Variants in CIT observed in about 807,000 individuals in gnomAD.
CIT encodes the protein citron Rho-interacting kinase.
A neutral mutation model predicts 272.7 loss-of-function variants in CIT; 79 were observed. That is an observed-to-expected ratio of 0.29 (90% confidence interval 0.24 to 0.35). The LOEUF (loss-of-function observed/expected upper bound fraction) is 0.35. Ranked by LOEUF, CIT falls within the 10% of genes least tolerant of loss-of-function variation. The pLI, the probability that CIT is intolerant of heterozygous loss-of-function variation, is 1.00. For missense variants in CIT, 1,909 were observed against 2,618.3 expected (o/e 0.73, Z 5.91); for synonymous variants, 948 against 995.6 (o/e 0.95, Z 0.90).
intron 10 of CIT, among the ~76,000 whole-genome samples, chr12:119,794,981 G>A (rs115017419): frequency 0.031 from 4,650 of 152,336 alleles, 135 homozygotes; most frequent in East Asian, 0.13. Flanking sequence ...CAAGCAAGGG[G>A]TGAAACCCTG....
chr12:119,697,743 T>C lies in CIT; in HGVS notation c.5798A>G (p.Asp1933Gly). ...GAIYLASSYQ[D>G]KLRVICCKGN... ...CTTGCAGCAAATGACCCTTAATTTA[T>C]CCTGGTATGAGGACGCCAAGTAAAT... Residue 1933 changes from aspartate to glycine, a missense_variant, in exon 46 of 48, where the codon GAT becomes GGT. Asp to Gly is a moderately conservative substitution (Grantham distance 94). Coordinates refer to ENST00000392521, the MANE Select transcript of CIT (RefSeq NM_001206999.2). This position sits in a 1 kb window ranked among gnomAD's most constrained non-coding sequence, Gnocchi z 4.9. 6.2e-7 allele frequency: 1 copy of C among 1,614,132 alleles called. No individual in the cohort carries two copies. The highest frequency in any genetic ancestry group is 8.5e-7 in the Non-Finnish European group (1 of 1,180,042).
intron 40 of CIT, among the ~76,000 whole-genome samples, chr12:119,705,483 C>G (rs1428598220): frequency 6.6e-6 from 1 of 152,078 alleles, no homozygotes; most frequent in Non-Finnish European, 1.5e-5. Flanking sequence ...TAGCAATGTT[C>G]TATTTCTTGG....
intron 3 of CIT, among the ~76,000 whole-genome samples, chr12:119,861,426 A>G (rs1593987117): frequency 6.6e-6 from 1 of 152,214 alleles, no homozygotes; most frequent in Middle Eastern, 3.4e-3. Context: ...TCTCTACTAA[A>G]AATACAAAAA....
intron 5 of CIT, among the ~76,000 whole-genome samples, chr12:119,841,618 G>A (rs569170636): frequency 2.0e-5 from 3 of 152,304 alleles, no homozygotes; most frequent in East Asian, 1.9e-4. Context: ...GCAGCTAGAC[G>A]TGCAGTCACA....
chr12:119,793,323 C>T (rs1437468634), intron 10 of CIT, among the ~76,000 whole-genome samples: 1 of 152,186 alleles, frequency 6.6e-6, no homozygotes, highest in East Asian at 1.9e-4. Context: ...TCAGTTCCCA[C>T]CTCTAAGCCA....
chr12:119,717,287 G>C (rs1373215756), intron 32 of CIT, among the ~76,000 whole-genome samples: 3 of 152,092 alleles, frequency 2.0e-5, no homozygotes, highest in Middle Eastern at 6.8e-3. Context: ...CCCAACCTCA[G>C]GTGATCCGCC....
At position 119,713,183 on chromosome 12, in the gene CIT, C is replaced by T. The variant is rs781396730; in HGVS notation, c.4579+20G>A. ...GGGTTAGCCACGTGCAATGACCTTCCCCCTGAATTATTAATTTACCTTCTC... is the reference window on the plus strand; with the variant it reads ...GGGTTAGCCACGTGCAATGACCTTCTCCCTGAATTATTAATTTACCTTCTC... On this transcript the variant is annotated intron_variant, in intron 35 of 47. Coordinates refer to ENST00000392521, the MANE Select transcript of CIT (RefSeq NM_001206999.2). This position sits in a 1 kb window ranked among gnomAD's most constrained non-coding sequence, Gnocchi z 5.2. The T allele has an allele frequency of 1.9e-6, 3 of 1,598,398 alleles. No individual in the cohort carries two copies. The highest frequency in any genetic ancestry group is 2.2e-5 in the East Asian group (1 of 44,798).
intron 32 of CIT, among the ~76,000 whole-genome samples, chr12:119,717,023 G>A (rs542692313): frequency 6.6e-6 from 1 of 152,254 alleles, no homozygotes; most frequent in African/African-American, 2.4e-5. Flanking sequence ...ATTTATAAGA[G>A]AAAAAAGGCC....
chr12:119,799,280 C>T (rs1354098226), intron 10 of CIT, among the ~76,000 whole-genome samples: 1 of 152,112 alleles, frequency 6.6e-6, no homozygotes, highest in African/African-American at 2.4e-5. Context: ...GAACATTTAC[C>T]AAGGCTTTTC....
intron 3 of CIT, among the ~76,000 whole-genome samples, chr12:119,859,555 G>A (rs1234343396): frequency 1.3e-5 from 2 of 151,874 alleles, no homozygotes; most frequent in Non-Finnish European, 2.9e-5. Context: ...AGTAGCTCAC[G>A]CCTGTAATCC....
chr12:119,850,740 G>T (rs1010203464), intron 4 of CIT, among the ~76,000 whole-genome samples: 1 of 152,036 alleles, frequency 6.6e-6, no homozygotes, highest in Non-Finnish European at 1.5e-5. Context: ...AAGCATCCAC[G>T]CTAGTTATGA....
chr12:119,862,697 C>A lies in CIT; in HGVS notation c.239-4999G>T, dbSNP rs557260726. 5.3e-5 allele frequency among the ~76,000 whole-genome samples: 8 copies of A among 150,144 alleles called. No individual in the cohort carries two copies. The South Asian group carries it at 1.7e-3, about 32-fold the overall frequency. ...TGGTGGCAGGCACCTATAATCCCAG[C>A]TACTCAGGAGGCTGAGGCAGGAGAA... On this transcript the variant is annotated intron_variant, in intron 3 of 47. Coordinates refer to ENST00000392521, the MANE Select transcript of CIT (RefSeq NM_001206999.2).
chr12:119,723,831 A>G (rs933202366), intron 28 of CIT, among the ~76,000 whole-genome samples: 2 of 152,226 alleles, frequency 1.3e-5, no homozygotes, highest in African/African-American at 4.8e-5. Context: ...CTACCCAAAG[A>G]GCACAGGTAA....
intron 24 of CIT, 80 bp downstream of exon 24, chr12:119,742,331 T>C (rs1959098283): frequency 2.0e-6 from 2 of 995,508 alleles, no homozygotes; most frequent in Non-Finnish European, 1.5e-6. Context: ...CAGTCACCAA[T>C]ATTTTAAAGA....
chr12:119,698,014 T>C lies in CIT; in HGVS notation c.5664A>G (p.Ser1888=), dbSNP rs1956326379. Residue 1888 remains serine, a synonymous_variant, in exon 45 of 48, where the codon TCA becomes TCG. Transcript: ENST00000392521. The part of the protein sequence containing the change: ...EPYLFVTHFN[S]LEVIEIQARS... ...GTGCCTGGATCTCAATTACTTCGAGTGAGTTGAAGTGGGTCACAAACAGAT... is the reference window on the plus strand; with the variant it reads ...GTGCCTGGATCTCAATTACTTCGAGCGAGTTGAAGTGGGTCACAAACAGAT... The C allele has an allele frequency of 1.9e-6, 3 of 1,613,928 alleles. No homozygotes were observed. Among genetic ancestry groups the C allele is most frequent in the South Asian group, 2.2e-5 (2 of 91,076 alleles).
intron 9 of CIT, among the ~76,000 whole-genome samples, chr12:119,811,579 G>C (rs1966847924): frequency 6.6e-6 from 1 of 152,198 alleles, no homozygotes; most frequent in Non-Finnish European, 1.5e-5. Context: ...CTCTCTGGTG[G>C]TGGATTTCAA....
Position 119,830,385 on chromosome 12 carries a change from A to C in CIT, c.753+2386T>G, listed in dbSNP as rs559251858. On this transcript the variant is annotated intron_variant, in intron 7 of 47. Coordinates refer to ENST00000392521, the MANE Select transcript of CIT (RefSeq NM_001206999.2). ...GGCAGTCTGAAGCACTAAAAAATTG[A>C]AACTGGGAACCCTGTCTCTCCACCA... Among the ~76,000 whole-genome samples the C allele has an allele frequency of 5.3e-5, 8 of 152,072 alleles. No individual in the cohort carries two copies. In the East Asian group the frequency reaches 9.7e-4, roughly 18 times the overall value.
rs1958634707 is a variant in CIT, at chr12:119,734,269, T to C, written c.3245A>G (p.Glu1082Gly). 2 of 1,613,992 alleles carry C rather than the reference T, an allele frequency of 1.2e-6. No individual in the cohort carries two copies. Among genetic ancestry groups the C allele is most frequent in the African/African-American group, 1.3e-5 (1 of 74,972 alleles). The change falls in exon 26 of 48, where the codon GAG (glutamate) becomes GGG (glycine). Residue 1082 changes from glutamate (E) to glycine (G), a missense_variant. Physicochemically the swap from Glu to Gly is moderately conservative, Grantham distance 98. Coordinates refer to ENST00000392521, the MANE Select transcript of CIT (RefSeq NM_001206999.2). ...EALNDELLEK[E>G]RQWEAWRSVL... Reference sequence around the variant, plus strand: ...GCTCCTCCAGGCCTCCCACTGCCGCTCTTTTTCTAGCAGCTCATCGTTTAG... The same window carrying C: ...GCTCCTCCAGGCCTCCCACTGCCGCCCTTTTTCTAGCAGCTCATCGTTTAG...
chr12:119,724,345 C>T (rs1452991778), intron 28 of CIT, among the ~76,000 whole-genome samples: 1 of 152,028 alleles, frequency 6.6e-6, no homozygotes, highest in Non-Finnish European at 1.5e-5. Flanking sequence ...ATTAATCTCC[C>T]ATTTTGGTTG....
Sources: gnomAD v4.1 joint callset for allele counts (sites outside exome capture counted in the v4.1 genomes callset) on GRCh38, gnomAD v4.1.1 for gene constraint, Gnocchi (gnomAD v3.1) non-coding constraint, MANE v1.5 for transcripts, NCBI Gene and HGNC (gene_info 2026-07-23, HGNC 2026-07-21) for gene names.